ERBIN: variants seen among roughly 807,000 people sequenced by gnomAD.
The protein encoded by ERBIN is densin-180-like protein.
A neutral mutation model predicts 158.4 loss-of-function variants in ERBIN; 60 were observed. The observed-to-expected ratio is 0.38, with a 90% confidence interval of 0.31 to 0.47. ERBIN has a LOEUF of 0.47. Ranked by LOEUF, ERBIN falls within the 20% of genes least tolerant of loss-of-function variation. ERBIN has a pLI of 0.99. For missense variants in ERBIN, 1,610 were observed against 1,648.0 expected, an observed-to-expected ratio of 0.98 and a Z score of 0.40; for synonymous variants, 594 against 557.2, an observed-to-expected ratio of 1.07 and a Z score of -0.93.
In ERBIN at chr5:65,931,472, A is replaced by G. The variant is rs1018705947; in HGVS notation, c.-58+4666A>G. On this transcript the variant is annotated intron_variant, in intron 1 of 25. Coordinates refer to ENST00000284037, the MANE Select transcript of ERBIN (RefSeq NM_001253697.2). Reference sequence around the variant, plus strand: ...CTCTGTTATAATATGGTATAATTACAAGAAATAGTAATAGTCCTAAGGCAG... The same window carrying G: ...CTCTGTTATAATATGGTATAATTACGAGAAATAGTAATAGTCCTAAGGCAG... 2.3e-4 allele frequency among the ~76,000 whole-genome samples: 35 copies of G among 152,256 alleles called. 1 individual carries two copies.
In ERBIN at chr5:65,956,545, C is replaced by CTT. The variant is rs775550780; in HGVS notation, c.-58+29753_-58+29754dup. On this transcript the variant is annotated intron_variant, in intron 1 of 25. Transcript: ENST00000284037. ...CACACACGCCCAGCTAATTTTTTTACTTTTTTTTTTTTTTTGGTACAGATG... is the reference window on the plus strand; with the variant it reads ...CACACACGCCCAGCTAATTTTTTTACTTTTTTTTTTTTTTTTTGGTACAGATG... Among the ~76,000 whole-genome samples the CTT allele has an allele frequency of 3.7e-3, 498 of 136,038 alleles. 7 individuals carry two copies. The highest frequency in any genetic ancestry group is 0.013 in the African/African-American group (471 of 36,962). The allele number at this position is 136,038 out of a possible 152,430, so 89.2% of individuals were successfully genotyped here. A position where few individuals can be genotyped will look rare whatever the true frequency, so the allele number is the denominator to read the frequency against.
At chr5:66,040,620 T>A (rs1244822891) in intron 15 of ERBIN, among the ~76,000 whole-genome samples, 2 of 151,910 alleles carry the variant, frequency 1.3e-5, no homozygotes, top group African/African-American at 4.8e-5. Context: ...TGAATTTCCT[T>A]TCACCTATAA....
intron 1 of ERBIN, among the ~76,000 whole-genome samples, chr5:65,987,440 T>A (rs1751383670): frequency 1.3e-5 from 2 of 151,322 alleles, no homozygotes; most frequent in African/African-American, 4.9e-5. Context: ...TGCACGCTTA[T>A]AGTCCCAGCC....
chr5:65,928,654 GACA>G (rs1742982663), intron 1 of ERBIN, among the ~76,000 whole-genome samples: 1 of 152,104 alleles, frequency 6.6e-6, no homozygotes, highest in Admixed American at 6.5e-5. Context: ...TTTCGATGCA[GACA>G]ACACGTTTTA....
intron 18 of ERBIN, among the ~76,000 whole-genome samples, chr5:66,047,502 C>G (rs973774049): frequency 4.0e-5 from 6 of 151,866 alleles, no homozygotes; most frequent in East Asian, 3.9e-4. Flanking sequence ...TTTTATATTC[C>G]CTTCATACAC....
intron 21 of ERBIN, 26 bp downstream of exon 21, chr5:66,054,977 T>C: frequency 1.3e-6 from 2 of 1,521,206 alleles, no homozygotes; most frequent in Non-Finnish European, 1.8e-6. Flanking sequence ...TTTTTCATTA[T>C]TTTCTTTATG....
At chr5:65,942,889 C>G (rs1745233918) in intron 1 of ERBIN, among the ~76,000 whole-genome samples, 3 of 142,076 alleles carry the variant, frequency 2.1e-5, no homozygotes, top group Admixed American at 1.5e-4. Context: ...GCCTGGGTGA[C>G]AGAGCGAGAC....
intron 4 of ERBIN, among the ~76,000 whole-genome samples, chr5:66,009,293 C>T (rs1051411087): frequency 6.6e-6 from 1 of 152,046 alleles, no homozygotes; most frequent in Admixed American, 6.6e-5. Flanking sequence ...AACAATTGTT[C>T]GTCGAAGAAC....
intron 21 of ERBIN, among the ~76,000 whole-genome samples, chr5:66,056,980 G>C (rs1401252153): frequency 6.6e-6 from 1 of 152,160 alleles, no homozygotes; most frequent in East Asian, 1.9e-4. Flanking sequence ...TGCTGTGTTT[G>C]CCTGTTTCAG....
At chr5:66,043,556 T>A (rs1291148400) in intron 16 of ERBIN, among the ~76,000 whole-genome samples, 1 of 152,176 alleles carries the variant, frequency 6.6e-6, no homozygotes, top group Admixed American at 6.5e-5. Context: ...CCCCTTTCCC[T>A]TTCTTTAATG....
chr5:66,075,135 C>T lies in ERBIN; in HGVS notation c.3868C>T (p.Leu1290=). ...SVARHPSREQ[L]IDYLMLKVAH... ...GGCAAGGCATCCCTCTAGAGAACAACTAATTGATTACTTGATGCTGAAAGT... is the reference window on the plus strand; with the variant it reads ...GGCAAGGCATCCCTCTAGAGAACAATTAATTGATTACTTGATGCTGAAAGT... The change falls in exon 23 of 26, where the codon CTA becomes TTA. Residue 1290 remains leucine (L), a synonymous_variant. Coordinates refer to ENST00000284037, the MANE Select transcript of ERBIN (RefSeq NM_001253697.2). 1.9e-6 allele frequency: 3 copies of T among 1,614,138 alleles called. No homozygotes were observed. The highest frequency in any genetic ancestry group is 2.5e-6 in the Non-Finnish European group (3 of 1,180,000).
rs745394591 is a variant in ERBIN, at chr5:66,044,257, G to T, written c.1549G>T (p.Asp517Tyr). The T allele has an allele frequency of 2.5e-6, 4 of 1,609,472 alleles. No homozygotes were observed. Among genetic ancestry groups the T allele is most frequent in the South Asian group, 1.1e-5 (1 of 89,908 alleles). ...DEETNEDSGR[D>Y]LKPHEDQQDI... ...AGAGACCAATGAAGACTCAGGAAGA[G>T]ATTTGAAACCACATGAAGATCAACA... The change falls in exon 17 of 26, where the codon GAT becomes TAT. Residue 517 changes from aspartate to tyrosine, a missense_variant. By Grantham distance (160) the Asp-to-Tyr change is radical (BLOSUM62 -3). Coordinates refer to ENST00000284037, the MANE Select transcript of ERBIN (RefSeq NM_001253697.2).
chr5:66,073,907 C>T (rs1761745147), intron 22 of ERBIN, among the ~76,000 whole-genome samples: 2 of 152,044 alleles, frequency 1.3e-5, no homozygotes, highest in Non-Finnish European at 2.9e-5. Context: ...GAGATGGAGT[C>T]TCGCTCTGTC....
At chr5:65,966,804 G>A (rs902710357) in intron 1 of ERBIN, among the ~76,000 whole-genome samples, 6 of 151,218 alleles carry the variant, frequency 4.0e-5, no homozygotes, top group Non-Finnish European at 7.4e-5. Flanking sequence ...TTGTGTTGTT[G>A]CCCCTGAAGA....
In ERBIN at chr5:66,071,868, G is replaced by T. The variant is rs1192635492; in HGVS notation, c.3634-301G>T. Among the ~76,000 whole-genome samples the T allele has an allele frequency of 2.0e-5, 3 of 151,772 alleles. No individual in the cohort carries two copies. The East Asian group carries it at 5.8e-4, about 29-fold the overall frequency. ...TATTAAAAGCTAGGTATTACTGTAA[G>T]TAAAACTAAAAGGAAAAAATAACAT... On this transcript the variant is annotated intron_variant, in intron 21 of 25. Transcript: ENST00000284037.
At chr5:65,979,909 GTA>G (rs1750464066) in intron 1 of ERBIN, among the ~76,000 whole-genome samples, 1 of 152,140 alleles carries the variant, frequency 6.6e-6, no homozygotes, top group African/African-American at 2.4e-5. Context: ...AAAGTTGGAA[GTA>G]AATATACACA....
chr5:66,003,876 T>C (rs1214689444), intron 4 of ERBIN, among the ~76,000 whole-genome samples: 1 of 151,786 alleles, frequency 6.6e-6, no homozygotes, highest in East Asian at 1.9e-4. Context: ...GACATTTGTG[T>C]TTTGTGATAT....
intron 1 of ERBIN, among the ~76,000 whole-genome samples, chr5:65,938,561 T>C (rs1040110317): frequency 1.3e-5 from 2 of 151,916 alleles, no homozygotes; most frequent in African/African-American, 4.8e-5. Flanking sequence ...TCTGTTTTGT[T>C]TTTTTTCTTG....
At chr5:66,060,945 A>T (rs1281768229) in intron 21 of ERBIN, among the ~76,000 whole-genome samples, 3 of 152,086 alleles carry the variant, frequency 2.0e-5, no homozygotes, top group Non-Finnish European at 4.4e-5. Context: ...TTTGCTGAGG[A>T]GTGCTTGCTT....
Sources: allele counts gnomAD v4.1 joint callset (sites outside exome capture counted in the v4.1 genomes callset), GRCh38; gene constraint gnomAD v4.1.1; transcripts MANE v1.5; gene names NCBI Gene and HGNC (gene_info 2026-07-23, HGNC 2026-07-21).